The following NPAS3 variants were observed in gnomAD, a reference collection of about 807,000 sequenced individuals.
The protein encoded by NPAS3 is neuronal PAS domain protein 3, also known as neuronal PAS domain-containing protein 3.
A neutral mutation model predicts 73.1 loss-of-function variants in NPAS3; 14 were observed. The ratio of observed to expected loss-of-function variants is 0.19; its 90% CI spans 0.13 to 0.30. The LOEUF is 0.30. Ranked by LOEUF, NPAS3 falls within the 10% of genes least tolerant of loss-of-function variation. NPAS3 has a pLI of 1.00. For missense variants in NPAS3, 1,096 were observed against 1,250.0 expected (o/e 0.88, Z 1.86); for synonymous variants, 620 against 541.5 (o/e 1.14, Z -2.01).
chr14:33,280,974 T>C (rs1011658147), intron 3 of NPAS3, among the ~76,000 whole-genome samples: 1 of 152,218 alleles, frequency 6.6e-6, no homozygotes, highest in Non-Finnish European at 1.5e-5. Context: ...TTACTCCTTA[T>C]ATATACCAAA....
upstream of NPAS3, among the ~76,000 whole-genome samples, chr14:32,938,725 A>C (rs2035812354): frequency 6.7e-6 from 1 of 149,466 alleles, no homozygotes; most frequent in African/African-American, 2.4e-5. Context: ...GGGTGGTAGA[A>C]AGGGGTGACG....
At chr14:33,400,788 G>A (rs571942067) in intron 4 of NPAS3, among the ~76,000 whole-genome samples, 1 of 152,082 alleles carries the variant, frequency 6.6e-6, no homozygotes, top group South Asian at 2.1e-4. Flanking sequence ...GGCAGTGGTG[G>A]TGGTGGTGGT....
chr14:33,281,027 T>C (rs2041580851), intron 3 of NPAS3, among the ~76,000 whole-genome samples: 1 of 152,254 alleles, frequency 6.6e-6, no homozygotes, highest in South Asian at 2.1e-4. Context: ...GTAACTGGAT[T>C]TGTGCCTCTG....
At chr14:33,518,110 T>C (rs79040710) in intron 4 of NPAS3, among the ~76,000 whole-genome samples, 59 of 152,252 alleles carry the variant, frequency 3.9e-4, no homozygotes, top group African/African-American at 1.3e-3. Context: ...AAGAATGCTT[T>C]CATGCTATGA....
At chr14:33,323,038 C>G (rs990317922) in intron 3 of NPAS3, among the ~76,000 whole-genome samples, 1 of 152,166 alleles carries the variant, frequency 6.6e-6, no homozygotes, top group African/African-American at 2.4e-5. Flanking sequence ...TAAGACATAG[C>G]TCCTCAAAGA....
At chr14:33,075,032 T>A (rs577058201) in intron 2 of NPAS3, among the ~76,000 whole-genome samples, 1 of 152,348 alleles carries the variant, frequency 6.6e-6, no homozygotes, top group East Asian at 1.9e-4. Context: ...TCTTGAAAGG[T>A]GTTCCATTGT....
intron 4 of NPAS3, among the ~76,000 whole-genome samples, chr14:33,547,244 A>G (rs923239666): frequency 1.3e-5 from 2 of 152,206 alleles, no homozygotes; most frequent in African/African-American, 4.8e-5. Context: ...TAGAAATTAA[A>G]GTAGGTCATC....
chr14:33,752,264 A>G (rs1253352501), intron 7 of NPAS3, among the ~76,000 whole-genome samples: 1 of 152,054 alleles, frequency 6.6e-6, no homozygotes. Flanking sequence ...TCTTTCTCAA[A>G]CATCTTTTTC....
intron 2 of NPAS3, among the ~76,000 whole-genome samples, chr14:33,119,584 A>T (rs2043168925): frequency 6.6e-6 from 1 of 152,092 alleles, no homozygotes; most frequent in African/African-American, 2.4e-5. Flanking sequence ...AGCAGCATGG[A>T]TTGGTCAATG....
At chr14:33,430,428 T>C (rs2048734806) in intron 4 of NPAS3, among the ~76,000 whole-genome samples, 1 of 152,270 alleles carries the variant, frequency 6.6e-6, no homozygotes, top group African/African-American at 2.4e-5. Flanking sequence ...TATCATGTGG[T>C]CCTCGTCTAG....
intron 6 of NPAS3, among the ~76,000 whole-genome samples, chr14:33,729,445 ATAGT>A (rs2061349429): frequency 6.6e-6 from 1 of 152,180 alleles, no homozygotes; most frequent in Non-Finnish European, 1.5e-5. Flanking sequence ...GATATCTCGC[ATAGT>A]TCCTTCAGGT....
At chr14:33,027,946 A>G (rs1354116709) in intron 1 of NPAS3, among the ~76,000 whole-genome samples, 1 of 152,218 alleles carries the variant, frequency 6.6e-6, no homozygotes, top group Non-Finnish European at 1.5e-5. Context: ...ATGTACAGTC[A>G]AACTTAAAAT....
chr14:33,695,027 C>T (rs1368901363), intron 6 of NPAS3, among the ~76,000 whole-genome samples: 2 of 152,110 alleles, frequency 1.3e-5, no homozygotes, highest in Non-Finnish European at 2.9e-5. Context: ...ATCCTACCAC[C>T]ACATCAGTTC....
In NPAS3 at chr14:32,998,132, C is replaced by A. The variant is rs1261210063; in HGVS notation, c.51-57773C>A. ...CCACAAGGCAAAAACAGCCCAAATG[C>A]TCATCAACAGATGATTAGAAAAAGA... On this transcript the variant is annotated intron_variant, in intron 1 of 11. Transcript: ENST00000356141. 3.3e-5 allele frequency among the ~76,000 whole-genome samples: 5 copies of A among 152,242 alleles called. No individual in the cohort carries two copies. The East Asian group carries it at 9.7e-4, about 29-fold the overall frequency.
chr14:33,626,115 G>T (rs1183516198), intron 5 of NPAS3, among the ~76,000 whole-genome samples: 1 of 152,150 alleles, frequency 6.6e-6, no homozygotes, highest in African/African-American at 2.4e-5. Flanking sequence ...TTTATGTCAG[G>T]ATCTTTCTGG....
At chr14:33,256,063 T>C (rs1183857797) in intron 3 of NPAS3, among the ~76,000 whole-genome samples, 1 of 152,220 alleles carries the variant, frequency 6.6e-6, no homozygotes. Flanking sequence ...TAAGAACCAA[T>C]AGATTACCAT....
At chr14:33,489,701 T>G (rs1003148791) in intron 4 of NPAS3, among the ~76,000 whole-genome samples, 9 of 152,218 alleles carry the variant, frequency 5.9e-5, no homozygotes, top group Non-Finnish European at 1.0e-4. Context: ...ATATGAATGC[T>G]GCTGTTTCAA....
intron 5 of NPAS3, among the ~76,000 whole-genome samples, chr14:33,587,718 C>T (rs1221425831): frequency 6.6e-6 from 1 of 152,164 alleles, no homozygotes; most frequent in Non-Finnish European, 1.5e-5. Context: ...TATCTTCTCT[C>T]TCAAAAGGAT....
intron 4 of NPAS3, among the ~76,000 whole-genome samples, chr14:33,513,851 G>A (rs375770692): frequency 1.8e-4 from 28 of 152,102 alleles, no homozygotes; most frequent in African/African-American, 3.4e-4. Context: ...TTTACTAGCC[G>A]CGATGAATGT....
Sources: allele counts gnomAD v4.1 joint callset (sites outside exome capture counted in the v4.1 genomes callset), GRCh38; gene constraint gnomAD v4.1.1; transcripts MANE v1.5; gene names NCBI Gene and HGNC (gene_info 2026-07-23, HGNC 2026-07-21).